The following ACOT1 variants were observed in gnomAD, a reference collection of about 807,000 sequenced individuals.
ACOT1 encodes the protein acyl-CoA thioesterase 1.
A neutral mutation model predicts 15.7 loss-of-function variants in ACOT1; 8 were observed. The observed-to-expected ratio is 0.51, with a 90% CI of 0.30 to 0.92. The LOEUF (loss-of-function observed/expected upper bound fraction) is 0.92. Among genes scored for constraint, ACOT1 ranks in the 40% least tolerant of loss-of-function variants. The probability of loss-of-function intolerance (pLI) is 0.06; values close to 1 mark genes in which losing one functional copy is unlikely to be tolerated. For missense variants in ACOT1, 151 were observed against 539.4 expected (o/e 0.28, Z 7.13); for synonymous variants, 67 against 241.2 (o/e 0.28, Z 6.69).
the ACOT1 span, among the ~76,000 whole-genome samples, chr14:73,513,257 G>A: frequency 1.3e-5 from 2 of 152,126 alleles, no homozygotes; most frequent in African/African-American, 4.8e-5. Flanking sequence ...TCAGGAGTTC[G>A]AGACCAGCCT....
the ACOT1 span, among the ~76,000 whole-genome samples, chr14:73,504,173 G>A: frequency 8.6e-5 from 13 of 151,222 alleles, no homozygotes; most frequent in Admixed American, 8.6e-4. Flanking sequence ...CGCCTCCTGG[G>A]TTCAAGTGAC....
chr14:73,513,235 G>A, the ACOT1 span, among the ~76,000 whole-genome samples: 1,846 of 152,306 alleles, frequency 0.012, 32 homozygotes, highest in African/African-American at 0.043. Context: ...AAGGCGGGGA[G>A]ATCACCTGAA....
chr14:73,506,083 G>A, the ACOT1 span, among the ~76,000 whole-genome samples: 1 of 151,560 alleles, frequency 6.6e-6, no homozygotes, highest in Non-Finnish European at 1.5e-5. Flanking sequence ...TAGAGATGGA[G>A]TTTCACCATG....
At chr14:73,517,091 G>T in the ACOT1 span, 1 of 152,252 alleles carries the variant, frequency 6.6e-6, no homozygotes, top group African/African-American at 2.4e-5. Flanking sequence ...GACCAGTCTG[G>T]GCAACATAGT....
the ACOT1 span, chr14:73,500,789 AC>A: frequency 6.8e-7 from 1 of 1,479,444 alleles, no homozygotes. Flanking sequence ...CTAACCCCCA[AC>A]CCCCACTAAT....
At chr14:73,514,201 G>C in the ACOT1 span, 107 of 1,614,174 alleles carry the variant, frequency 6.6e-5, no homozygotes, top group Non-Finnish European at 8.7e-5. Flanking sequence ...GGGCAAAGCA[G>C]TCCAGCGCAG....
chr14:73,495,727 T>G, the ACOT1 span, among the ~76,000 whole-genome samples: 1 of 152,250 alleles, frequency 6.6e-6, no homozygotes, highest in African/African-American at 2.4e-5. Flanking sequence ...TTGGGCATGA[T>G]GAACCTGCTA....
chr14:73,520,863 T>A, the ACOT1 span: 1 of 1,613,846 alleles, frequency 6.2e-7, no homozygotes, highest in Non-Finnish European at 8.5e-7. Flanking sequence ...AAAGTAAATC[T>A]CCTGTTCAAA....
At chr14:73,509,446 A>T in the ACOT1 span, 1 of 1,613,844 alleles carries the variant, frequency 6.2e-7, no homozygotes, top group Non-Finnish European at 8.5e-7. Flanking sequence ...AGGCAGTAGA[A>T]CCTCCGGCAA....
the ACOT1 span, chr14:73,491,106 T>C: frequency 6.2e-7 from 1 of 1,606,142 alleles, no homozygotes; most frequent in Non-Finnish European, 8.5e-7. Context: ...GGGTCGGTCC[T>C]GGCCCTGCCC....
the ACOT1 span, chr14:73,498,047 C>CT: frequency 1.4e-5 from 14 of 1,026,022 alleles, no homozygotes; most frequent in South Asian, 2.2e-4. Context: ...TGAACCAGTG[C>CT]TTTTACTGCC....
the ACOT1 span, among the ~76,000 whole-genome samples, chr14:73,497,559 GAC>G: frequency 6.6e-6 from 1 of 152,104 alleles, no homozygotes; most frequent in Admixed American, 6.6e-5. Context: ...TGGTCTTTTT[GAC>G]TCTAAAACTT....
the ACOT1 span, among the ~76,000 whole-genome samples, chr14:73,526,101 C>T: frequency 1.3e-5 from 2 of 152,170 alleles, no homozygotes; most frequent in African/African-American, 4.8e-5. Context: ...TCACCTCTGG[C>T]ACAACAGCTT....
the ACOT1 span, among the ~76,000 whole-genome samples, chr14:73,528,370 C>T: frequency 6.3e-5 from 7 of 111,828 alleles, no homozygotes; most frequent in South Asian, 9.2e-4. Flanking sequence ...CCAGCCTGGA[C>T]GACAAGAGCG....
At chr14:73,517,691 AAGAG>A in the ACOT1 span, among the ~76,000 whole-genome samples, 1 of 150,540 alleles carries the variant, frequency 6.6e-6, no homozygotes, top group Non-Finnish European at 1.5e-5. Context: ...AGAAGAAGAA[AAGAG>A]AGAGAGGGAA....
At chr14:73,538,292 G>A (rs1888945080) in intron 1 of ACOT1, among the ~76,000 whole-genome samples, 1 of 114,812 alleles carries the variant, frequency 8.7e-6, no homozygotes. Context: ...AAAACTGAGA[G>A]GTCCCTCAAA....
At chr14:73,533,170 A>G (rs1888760966), upstream of ACOT1, among the ~76,000 whole-genome samples, 1 of 112,844 alleles carries the variant, frequency 8.9e-6, no homozygotes, top group African/African-American at 2.9e-5. Context: ...CAAAAAATTA[A>G]ATATAGAATT....
At chr14:73,517,665 C>CAAA in the ACOT1 span, among the ~76,000 whole-genome samples, 2 of 59,330 alleles carry the variant, frequency 3.4e-5, no homozygotes, top group African/African-American at 7.1e-5. Context: ...GAGACCCTGT[C>CAAA]AAAAAAAAAA....
chr14:73,500,838 TC>T, the ACOT1 span: 1 of 977,420 alleles, frequency 1.0e-6, no homozygotes, highest in Non-Finnish European at 1.5e-6. Flanking sequence ...AGGCTGTCAA[TC>T]CCATTCAGCC....
Sources: allele counts gnomAD v4.1 joint callset (sites outside exome capture counted in the v4.1 genomes callset), GRCh38; gene constraint gnomAD v4.1.1; transcripts MANE v1.5; gene names NCBI Gene and HGNC (gene_info 2026-07-23, HGNC 2026-07-21).